Variants in RAP1GAP2 observed in about 807,000 individuals in gnomAD.
RAP1GAP2 encodes RAP1 GTPase activating protein 2, also known as rap1 GTPase-activating protein 2.
In RAP1GAP2, 27 loss-of-function variants were observed where a neutral mutation model predicts 95.0. That is an observed-to-expected ratio of 0.28 (90% CI 0.21 to 0.39). RAP1GAP2 has a LOEUF of 0.39. Among genes scored for constraint, RAP1GAP2 ranks in the 10% least tolerant of loss-of-function variants. The pLI is 1.00. For missense variants in RAP1GAP2, 771 were observed against 970.0 expected, an observed-to-expected ratio of 0.79 and a Z score of 2.72; for synonymous variants, 373 against 380.9, an observed-to-expected ratio of 0.98 and a Z score of 0.24.
intron 2 of RAP1GAP2, among the ~76,000 whole-genome samples, chr17:2,829,153 T>C (rs991726208): frequency 2.0e-5 from 3 of 151,986 alleles, no homozygotes; most frequent in Admixed American, 6.6e-5. Flanking sequence ...CGGCTAATTT[T>C]TTGTATTTTT....
chr17:2,767,426 C>T (rs988358658), intron 1 of RAP1GAP2, among the ~76,000 whole-genome samples: 2 of 140,838 alleles, frequency 1.4e-5, no homozygotes, highest in South Asian at 2.3e-4. Flanking sequence ...TGAGAAGATA[C>T]GTTGTGAAAA....
chr17:2,876,660 T>TAAGAAAC (rs1422800520), intron 2 of RAP1GAP2, among the ~76,000 whole-genome samples: 1 of 152,166 alleles, frequency 6.6e-6, no homozygotes. Flanking sequence ...ATGTTTCTTA[T>TAAGAAAC]AGACCTGGAG....
chr17:2,945,137 A>G (rs1175182165), intron 3 of RAP1GAP2, among the ~76,000 whole-genome samples: 1 of 152,170 alleles, frequency 6.6e-6, no homozygotes, highest in Non-Finnish European at 1.5e-5. Context: ...GGCCTCCCAA[A>G]ATGCTGGGAT....
intron 1 of RAP1GAP2, among the ~76,000 whole-genome samples, chr17:2,791,177 C>T (rs1398606099): frequency 6.6e-6 from 1 of 152,154 alleles, no homozygotes; most frequent in Non-Finnish European, 1.5e-5. Flanking sequence ...TGCACTCCAG[C>T]CTGGGTGACA....
chr17:2,855,397 T>C lies in RAP1GAP2; in HGVS notation c.81-49887T>C, dbSNP rs2072089672. 6.6e-6 allele frequency among the ~76,000 whole-genome samples: 1 copy of C among 152,194 alleles called. No homozygotes were observed. The highest frequency in any genetic ancestry group is 1.5e-5 in the Non-Finnish European group (1 of 68,030). On this transcript the variant is annotated intron_variant, in intron 2 of 24. Coordinates refer to ENST00000254695, the MANE Select transcript of RAP1GAP2 (RefSeq NM_015085.5). This position sits in a 1 kb window ranked among gnomAD's most constrained non-coding sequence, Gnocchi z 4.3. ...ATTTTAAACACTTGCTAATCTTCCT[T>C]TTGTAATTAAGAGAGAGCAGACCTC...
chr17:2,978,083 T>C (rs1219850727), intron 8 of RAP1GAP2, among the ~76,000 whole-genome samples: 1 of 152,214 alleles, frequency 6.6e-6, no homozygotes, highest in East Asian at 1.9e-4. Context: ...TGGGCATAAC[T>C]TTTGCAGTTT....
intron 2 of RAP1GAP2, among the ~76,000 whole-genome samples, chr17:2,833,624 A>C (rs1353010679): frequency 7.0e-6 from 1 of 142,566 alleles, no homozygotes; most frequent in Non-Finnish European, 1.5e-5. Context: ...TGGGAGGCGG[A>C]GCTTGCAGTG....
At chr17:2,990,932 C>A (rs2045730508) in intron 11 of RAP1GAP2, among the ~76,000 whole-genome samples, 1 of 151,086 alleles carries the variant, frequency 6.6e-6, no homozygotes, top group Non-Finnish European at 1.5e-5. Flanking sequence ...GCAACCTCCG[C>A]TTCCCAGGCT....
At chr17:3,016,170 C>T (rs879684645) in intron 17 of RAP1GAP2, among the ~76,000 whole-genome samples, 1 of 152,204 alleles carries the variant, frequency 6.6e-6, no homozygotes, top group Non-Finnish European at 1.5e-5. Flanking sequence ...CTTGGCCCCT[C>T]GTGGCCCTAA....
chr17:2,944,476 A>T (rs1201481740), intron 3 of RAP1GAP2, among the ~76,000 whole-genome samples: 1 of 152,004 alleles, frequency 6.6e-6, no homozygotes, highest in Non-Finnish European at 1.5e-5. Flanking sequence ...TGGACTCTTA[A>T]TTCTACTCTG....
At chr17:2,984,650 T>G (rs1479309996) in intron 10 of RAP1GAP2, among the ~76,000 whole-genome samples, 1 of 152,106 alleles carries the variant, frequency 6.6e-6, no homozygotes, top group Non-Finnish European at 1.5e-5. Context: ...GGTTTTGGCT[T>G]CACTTTTTAC....
chr17:2,914,637 C>T (rs954612490), intron 3 of RAP1GAP2, among the ~76,000 whole-genome samples: 21 of 151,670 alleles, frequency 1.4e-4, no homozygotes, highest in Non-Finnish European at 2.6e-4. Flanking sequence ...ACTACAGGCG[C>T]CCGCCACCAC....
intron 2 of RAP1GAP2, among the ~76,000 whole-genome samples, chr17:2,869,131 C>T (rs1334256046): frequency 2.6e-5 from 4 of 152,176 alleles, no homozygotes; most frequent in Non-Finnish European, 5.9e-5. Context: ...GGCCCCTCTT[C>T]CTCATACCAC....
chr17:2,975,201 C>T (rs1597774795), intron 8 of RAP1GAP2, among the ~76,000 whole-genome samples: 1 of 151,850 alleles, frequency 6.6e-6, no homozygotes, highest in Non-Finnish European at 1.5e-5. Flanking sequence ...CAATACTACT[C>T]CAGCAGGTGA....
At chr17:2,966,624 A>G (rs8080301) in intron 8 of RAP1GAP2, among the ~76,000 whole-genome samples, 72,628 of 152,024 alleles carry the variant, frequency 0.48, 17,704 homozygotes, top group Non-Finnish European at 0.52. Context: ...CACCCATCCA[A>G]TCTTAGTTTG....
At chr17:2,960,672 C>T (rs899608007) in intron 4 of RAP1GAP2, among the ~76,000 whole-genome samples, 3 of 152,170 alleles carry the variant, frequency 2.0e-5, no homozygotes, top group East Asian at 1.9e-4. Context: ...CCAGTGTCCT[C>T]GCTGGTGGAA....
rs934443220 is a variant in RAP1GAP2, at chr17:3,029,244, A to C, written c.2108-1678A>C. On this transcript the variant is annotated intron_variant, in intron 22 of 24. Coordinates refer to ENST00000254695, the MANE Select transcript of RAP1GAP2 (RefSeq NM_015085.5). This position sits in a 1 kb window ranked among gnomAD's most constrained non-coding sequence, Gnocchi z 4.4. Reference sequence around the variant, plus strand: ...AAGGTTTTGAGTAAAGGAATTAGAGAGTCTCTGCAGGTTGCTGAAGGTCAC... The same window carrying C: ...AAGGTTTTGAGTAAAGGAATTAGAGCGTCTCTGCAGGTTGCTGAAGGTCAC... 3.3e-5 allele frequency among the ~76,000 whole-genome samples: 5 copies of C among 152,182 alleles called. No individual in the cohort carries two copies. Among genetic ancestry groups the C allele is most frequent in the Non-Finnish European group, 7.4e-5 (5 of 68,024 alleles).
chr17:2,894,662 CTG>C (rs2073828722), intron 2 of RAP1GAP2, among the ~76,000 whole-genome samples: 1 of 152,168 alleles, frequency 6.6e-6, no homozygotes, highest in Non-Finnish European at 1.5e-5. Context: ...CCTCCTCCGT[CTG>C]TATCACGGCT....
intron 2 of RAP1GAP2, among the ~76,000 whole-genome samples, chr17:2,895,152 A>G (rs1388507209): frequency 1.3e-5 from 2 of 152,180 alleles, no homozygotes; most frequent in African/African-American, 4.8e-5. Context: ...TTACGTCACT[A>G]CCATAAAAGG....
Sources: gnomAD v4.1 joint callset for allele counts (sites outside exome capture counted in the v4.1 genomes callset) on GRCh38, gnomAD v4.1.1 for gene constraint, Gnocchi (gnomAD v3.1) non-coding constraint, MANE v1.5 for transcripts, NCBI Gene and HGNC (gene_info 2026-07-23, HGNC 2026-07-21) for gene names.